ACTR3C: variants seen among roughly 807,000 people sequenced by gnomAD.
The protein encoded by ACTR3C is actin related protein 3C.
In ACTR3C, 18 loss-of-function variants were observed where a neutral mutation model predicts 26.3. That is an observed-to-expected ratio of 0.68 (90% CI 0.47 to 1.01). The LOEUF is 1.01. Among genes scored for constraint, ACTR3C ranks in the 50% least tolerant of loss-of-function variants. The probability of loss-of-function intolerance (pLI) is 0.00; values close to 1 mark genes in which losing one functional copy is unlikely to be tolerated. For synonymous variants in ACTR3C, 55 were observed against 94.5 expected, an observed-to-expected ratio of 0.58 and a Z score of 2.42; for missense variants, 184 against 250.7, an observed-to-expected ratio of 0.73 and a Z score of 1.80.
the ACTR3C span, among the ~76,000 whole-genome samples, chr7:150,032,177 A>G: frequency 6.6e-6 from 1 of 152,194 alleles, no homozygotes; most frequent in Non-Finnish European, 1.5e-5. Context: ...GTGTGTCATG[A>G]TAATGCTATG....
the ACTR3C span, among the ~76,000 whole-genome samples, chr7:150,067,777 C>A: frequency 9.6e-3 from 1,368 of 142,780 alleles, 32 homozygotes; most frequent in African/African-American, 0.034. Context: ...CTGAATTGCC[C>A]CACACAACAA....
the ACTR3C span, among the ~76,000 whole-genome samples, chr7:150,034,111 G>A: frequency 3.7e-4 from 54 of 145,736 alleles, 1 homozygote; most frequent in South Asian, 8.4e-4. Context: ...CCCAACAACC[G>A]GGGGGAAGAG....
the ACTR3C span, among the ~76,000 whole-genome samples, chr7:149,930,471 C>CAGCTTTCAGTAGCAGTTCAGT: frequency 6.6e-6 from 1 of 152,136 alleles, no homozygotes; most frequent in African/African-American, 2.4e-5. Context: ...TGTTCTCTTC[C>CAGCTTTCAGTAGCAGTTCAGT]AGCTTTCAGT....
chr7:150,109,104 T>C, the ACTR3C span, among the ~76,000 whole-genome samples: 1 of 152,016 alleles, frequency 6.6e-6, no homozygotes, highest in Admixed American at 6.6e-5. Context: ...GGCCACTGGA[T>C]TTAAGCAAAT....
chr7:149,882,772 A>C, the ACTR3C span, among the ~76,000 whole-genome samples: 1 of 152,182 alleles, frequency 6.6e-6, no homozygotes, highest in Non-Finnish European at 1.5e-5. Context: ...GTGCAGGGGG[A>C]CTGGACAGTT....
chr7:150,158,907 G>A, the ACTR3C span, among the ~76,000 whole-genome samples: 5 of 146,904 alleles, frequency 3.4e-5, no homozygotes, highest in African/African-American at 1.0e-4. Flanking sequence ...ACACACGTGC[G>A]CACACACACG....
At chr7:149,922,040 G>A in the ACTR3C span, among the ~76,000 whole-genome samples, 1 of 145,614 alleles carries the variant, frequency 6.9e-6, no homozygotes, top group African/African-American at 2.4e-5. Flanking sequence ...ATGGGTGCAG[G>A]TCTCCCTGGA....
chr7:150,160,288 G>A, the ACTR3C span, among the ~76,000 whole-genome samples: 1 of 152,096 alleles, frequency 6.6e-6, no homozygotes, highest in African/African-American at 2.4e-5. Context: ...TTTAATAGTT[G>A]CAAATCTAAT....
the ACTR3C span, among the ~76,000 whole-genome samples, chr7:150,149,343 GTTTTT>G: frequency 6.6e-6 from 1 of 151,200 alleles, no homozygotes; most frequent in Non-Finnish European, 1.5e-5. Context: ...ATGCACTAGT[GTTTTT>G]TTTATTATTA....
chr7:149,977,681 T>C, the ACTR3C span, among the ~76,000 whole-genome samples: 3 of 152,142 alleles, frequency 2.0e-5, no homozygotes, highest in Non-Finnish European at 2.9e-5. Flanking sequence ...CATATGTATA[T>C]AGGGAAAGAG....
chr7:150,142,715 G>GTTTTT, the ACTR3C span, among the ~76,000 whole-genome samples: 2 of 152,038 alleles, frequency 1.3e-5, no homozygotes, highest in Admixed American at 1.3e-4. Flanking sequence ...TTTTAGTAGA[G>GTTTTT]ATGGGGTTTT....
At chr7:150,172,746 CT>C in the ACTR3C span, among the ~76,000 whole-genome samples, 1 of 150,734 alleles carries the variant, frequency 6.6e-6, no homozygotes, top group Non-Finnish European at 1.5e-5. Flanking sequence ...AAGCTAGTTA[CT>C]TCCTAGATAC....
At chr7:150,271,862 TTCTTG>T (rs1393676830) in intron 6 of ACTR3C, among the ~76,000 whole-genome samples, 5 of 148,288 alleles carry the variant, frequency 3.4e-5, no homozygotes, top group Non-Finnish European at 4.4e-5. Context: ...AGGAAAACCT[TTCTTG>T]TCTTAACACT....
At chr7:149,898,260 A>G in the ACTR3C span, among the ~76,000 whole-genome samples, 1 of 152,188 alleles carries the variant, frequency 6.6e-6, no homozygotes, top group Non-Finnish European at 1.5e-5. Flanking sequence ...TGGCACACTG[A>G]CTGACACCAC....
At position 150,298,974 on chromosome 7, in the gene ACTR3C, CTTTTTTTT is replaced by C. The variant is rs550994860; in HGVS notation, c.-51-3635_-51-3628del. ...CTGCTTCAACAATTTGTAATGAAAA[CTTTTTTTT>C]TTTTTTTTTTTTTTTTGAGACAGAG... On this transcript the variant is annotated intron_variant, in intron 1 of 7. Transcript: ENST00000683684. Among the ~76,000 whole-genome samples the C allele has an allele frequency of 1.8e-3, 146 of 82,530 alleles. 1 individual carries two copies. The highest frequency in any genetic ancestry group is 7.0e-3 in the African/African-American group (135 of 19,150). 54.1% of individuals were successfully genotyped at this position (82,530 alleles called of 152,430 possible). A position where few individuals can be genotyped will look rare whatever the true frequency, so the allele number is the denominator to read the frequency against.
At chr7:150,047,448 G>A in the ACTR3C span, among the ~76,000 whole-genome samples, 1 of 152,058 alleles carries the variant, frequency 6.6e-6, no homozygotes, top group Admixed American at 6.5e-5. Flanking sequence ...GGCGATGACC[G>A]CGATCTGGCG....
chr7:150,035,861 G>A, the ACTR3C span, among the ~76,000 whole-genome samples: 2 of 135,224 alleles, frequency 1.5e-5, no homozygotes, highest in South Asian at 2.3e-4. Context: ...TGCGATGGGG[G>A]TACCAACAGC....
At chr7:150,049,318 CG>C in the ACTR3C span, among the ~76,000 whole-genome samples, 1 of 152,122 alleles carries the variant, frequency 6.6e-6, no homozygotes, top group Non-Finnish European at 1.5e-5. Flanking sequence ...CCTCCTTGCG[CG>C]CCCCTTCCAG....
the ACTR3C span, among the ~76,000 whole-genome samples, chr7:149,907,475 C>T: frequency 2.0e-4 from 16 of 80,014 alleles, no homozygotes; most frequent in African/African-American, 7.2e-4. Flanking sequence ...TGCCTCTCTT[C>T]TCTTCTCTCT....
Sources: allele counts gnomAD v4.1 joint callset (sites outside exome capture counted in the v4.1 genomes callset), GRCh38; gene constraint gnomAD v4.1.1; transcripts MANE v1.5; gene names NCBI Gene and HGNC (gene_info 2026-07-23, HGNC 2026-07-21).